The following FGD5 variants were observed in gnomAD, a reference collection of about 807,000 sequenced individuals.
The protein encoded by FGD5 is FYVE, RhoGEF and PH domain-containing protein 5.
FGD5 carries 28 observed loss-of-function variants against 133.4 expected under a neutral mutation model. The ratio of observed to expected loss-of-function variants is 0.21; its 90% confidence interval spans 0.16 to 0.29. The LOEUF (loss-of-function observed/expected upper bound fraction) is 0.29, where lower values mean the gene tolerates loss of function less well. Ranked by LOEUF, FGD5 falls within the 10% of genes least tolerant of loss-of-function variation. FGD5 has a pLI of 1.00. For synonymous variants in FGD5, 810 were observed against 776.5 expected (o/e 1.04, Z -0.72); for missense variants, 1,858 against 1,895.2 (o/e 0.98, Z 0.36).
At chr3:14,847,004 A>T (rs563874625) in intron 1 of FGD5, among the ~76,000 whole-genome samples, 5 of 152,158 alleles carry the variant, frequency 3.3e-5, no homozygotes, top group Non-Finnish European at 5.9e-5. Context: ...CTGTTTTGTG[A>T]TATGGGAATG....
At chr3:14,825,153 TAA>T (rs1227008146) in intron 1 of FGD5, among the ~76,000 whole-genome samples, 1 of 152,262 alleles carries the variant, frequency 6.6e-6, no homozygotes, top group Non-Finnish European at 1.5e-5. Flanking sequence ...TGGATGATTG[TAA>T]AGTTTCTTCT....
rs963103767 is a variant in FGD5 at position 14,922,619 on chromosome 3, C to G, written c.3807+71C>G. ...GGGGAAGGGCATGTCCCTGCCCAGC[C>G]GGGGGCTCAGGGATGTCCAGCAGCT... On this transcript the variant is annotated intron_variant, in intron 15 of 19. Coordinates refer to ENST00000285046, the MANE Select transcript of FGD5 (RefSeq NM_152536.4). This position sits in a 1 kb window ranked among gnomAD's most constrained non-coding sequence, Gnocchi z 4.1. 197 of 1,377,936 alleles carry G rather than the reference C, an allele frequency of 1.4e-4. No individual in the cohort carries two copies. The highest frequency in any genetic ancestry group is 9.9e-4 in the Middle Eastern group (4 of 4,036). The allele number at this position is 1,377,936 out of a possible 1,614,324, so 85.4% of individuals were successfully genotyped here.
chr3:14,820,869 C>T lies in FGD5; in HGVS notation c.1798C>T (p.His600Tyr), dbSNP rs144177006. The change falls in exon 1 of 20, where the codon CAC becomes TAC. Residue 600 changes from histidine (H) to tyrosine (Y), a missense_variant. Around this residue, in one of 3 missense-constraint regions of FGD5, gnomAD observed 1,824 missense variants for 1,848.9 expected, o/e 0.99. Coordinates refer to ENST00000285046, the MANE Select transcript of FGD5 (RefSeq NM_152536.4). ...GSSGSFSQRN[H>Y]LPSSGTSTPS... is the part of the protein sequence containing the mutation. Reference sequence around the variant, plus strand: ...CTCTGGGAGTTTCTCCCAGAGAAACCACCTTCCGTCCAGCGGCACCTCCAC... The same window carrying T: ...CTCTGGGAGTTTCTCCCAGAGAAACTACCTTCCGTCCAGCGGCACCTCCAC... 0.011 allele frequency: 17,604 copies of T among 1,613,606 alleles called. 156 individuals carry two copies. The highest frequency in any genetic ancestry group is 0.014 in the Admixed American group (824 of 60,002).
rs747671270 is a variant in FGD5 at position 14,926,134 on chromosome 3, G to A, written c.4133G>A (p.Arg1378Gln). The stretch of plus-strand genomic sequence containing the variant: ...CTCAGCCGGTGTAAGAGGGGCAAGC[G>A]GCACTGGAAGAAGCTCTGGTTTGTC... ...GYLSRCKRGK[R>Q]HWKKLWFVIK... The change falls in exon 18 of 20, where the codon CGG becomes CAG. Residue 1378 changes from arginine (R) to glutamine (Q), a missense_variant. Arg to Gln is a conservative substitution (Grantham distance 43). Coordinates refer to ENST00000285046, the MANE Select transcript of FGD5 (RefSeq NM_152536.4). 6 of 1,613,924 alleles carry A rather than the reference G, an allele frequency of 3.7e-6. No homozygotes were observed. Among genetic ancestry groups the A allele is most frequent in the Admixed American group, 1.7e-5 (1 of 60,026 alleles).
At chr3:14,831,854 A>G (rs2036715548) in intron 1 of FGD5, among the ~76,000 whole-genome samples, 1 of 152,226 alleles carries the variant, frequency 6.6e-6, no homozygotes, top group Non-Finnish European at 1.5e-5. Context: ...AAGACATGAC[A>G]ACAGGCTTAG....
At chr3:14,870,396 T>G (rs1193795945) in intron 2 of FGD5, among the ~76,000 whole-genome samples, 2 of 152,354 alleles carry the variant, frequency 1.3e-5, no homozygotes, top group African/African-American at 4.8e-5. Flanking sequence ...TCGCTGGTGC[T>G]GCACAACCCT....
chr3:14,859,447 A>C lies in FGD5; in HGVS notation c.2526-4681A>C, dbSNP rs369329717. Among the ~76,000 whole-genome samples the C allele has an allele frequency of 6.4e-4, 98 of 152,152 alleles. 2 individuals carry two copies. In the South Asian group the frequency reaches 0.02, roughly 30 times the overall value. The stretch of plus-strand genomic sequence containing the variant: ...ATGGCTTGCACCTGTAATCCCAGCT[A>C]CTCGGGAGGCGGAGGCTCAAGAATC... On this transcript the variant is annotated intron_variant, in intron 1 of 19. Coordinates refer to ENST00000285046, the MANE Select transcript of FGD5 (RefSeq NM_152536.4).
intron 1 of FGD5, among the ~76,000 whole-genome samples, chr3:14,823,325 C>G (rs1218881408): frequency 6.6e-6 from 1 of 152,152 alleles, no homozygotes; most frequent in Non-Finnish European, 1.5e-5. Flanking sequence ...ACAGGGAACC[C>G]GTCACTCCCA....
intron 1 of FGD5, among the ~76,000 whole-genome samples, chr3:14,844,576 A>G (rs2037008737): frequency 6.6e-6 from 1 of 151,940 alleles, no homozygotes; most frequent in Non-Finnish European, 1.5e-5. Context: ...GGACAGCCAG[A>G]CCAGACAGGC....
chr3:14,914,871 G>A (rs1359580774), intron 11 of FGD5, among the ~76,000 whole-genome samples: 2 of 152,242 alleles, frequency 1.3e-5, no homozygotes, highest in African/African-American at 2.4e-5. Context: ...TGAAGTCAGG[G>A]TTTTGGTCCA....
At chr3:14,915,782 C>T (rs568027065) in intron 11 of FGD5, among the ~76,000 whole-genome samples, 1 of 151,752 alleles carries the variant, frequency 6.6e-6, no homozygotes, top group African/African-American at 2.4e-5. Context: ...GGACAGGGCT[C>T]ACCCTGGTTC....
chr3:14,810,825 AC>A (rs1475942611), upstream of FGD5: 2 of 984,504 alleles, frequency 2.0e-6, no homozygotes, highest in African/African-American at 3.5e-5. Flanking sequence ...TGAAACGCCG[AC>A]GGCGGCCCGG....
chr3:14,907,744 G>T (rs375774081), intron 10 of FGD5, 33 bp downstream of exon 10: 2 of 1,606,510 alleles, frequency 1.2e-6, no homozygotes, highest in African/African-American at 2.7e-5. Flanking sequence ...GGGGCAGAGG[G>T]TGGCTGGGCG....
At chr3:14,818,835 TG>T, upstream of FGD5, 1 of 1,086,998 alleles carries the variant, frequency 9.2e-7, no homozygotes, top group Non-Finnish European at 1.2e-6. Flanking sequence ...GCACGGGAGG[TG>T]GGCTTCACAT....
chr3:14,902,122 A>C (rs543191118), intron 9 of FGD5, among the ~76,000 whole-genome samples: 12 of 152,012 alleles, frequency 7.9e-5, no homozygotes, highest in South Asian at 2.1e-4. Context: ...TCTCTATTAA[A>C]AATACAAAAC....
rs747147215 is a variant in FGD5, at chr3:14,932,611, G to A, written c.4232G>A (p.Gly1411Asp). 2 of 1,613,972 alleles carry A rather than the reference G, an allele frequency of 1.2e-6. No homozygotes were observed. The highest frequency in any genetic ancestry group is 1.7e-5 in the Admixed American group (1 of 60,020). ...GCCTTGGAGAGTATGCCTCTGCTAGGCTTCACCATTGCTCCAGAAAAGGAA... is the reference window on the plus strand; with the variant it reads ...GCCTTGGAGAGTATGCCTCTGCTAGACTTCACCATTGCTCCAGAAAAGGAA... Reference protein sequence around the residue: ...KVALESMPLLGFTIAPEKEEG... With the variant: ...KVALESMPLLDFTIAPEKEEG... Residue 1411 changes from glycine to aspartate, a missense_variant, in exon 19 of 20, where the codon GGC becomes GAC. Gly to Asp is a moderately conservative substitution (Grantham distance 94). Transcript: ENST00000285046.
intron 4 of FGD5, among the ~76,000 whole-genome samples, chr3:14,890,038 C>A (rs2037996792): frequency 6.6e-6 from 1 of 152,104 alleles, no homozygotes; most frequent in South Asian, 2.1e-4. Flanking sequence ...TACATTTCAG[C>A]CCTTCAAAGT....
intron 1 of FGD5, among the ~76,000 whole-genome samples, chr3:14,838,305 C>T (rs770191918): frequency 6.6e-6 from 1 of 152,146 alleles, no homozygotes; most frequent in Non-Finnish European, 1.5e-5. Context: ...TTCTAAGGAC[C>T]TGTGTGATTA....
rs2038228015 is a variant in FGD5, at chr3:14,901,003, G to C, written c.3206G>C (p.Gly1069Ala). 1 of 1,613,864 alleles carries C rather than the reference G, an allele frequency of 6.2e-7. No homozygotes were observed. Among genetic ancestry groups the C allele is most frequent in the Non-Finnish European group, 8.5e-7 (1 of 1,179,870 alleles). The part of the protein sequence containing the change: ...PDSAEYDNTQ[G>A]ALSLISKVTD... The stretch of plus-strand genomic sequence containing the variant: ...ACTCCTGCTCTGTGTCCCTCCCCAG[G>C]TGCACTGAGCCTCATCTCCAAAGTC... Residue 1069 changes from glycine to alanine, a missense_variant and splice_region_variant, in exon 9 of 20, where the codon GGT (glycine) becomes GCT (alanine). By Grantham distance (60) the Gly-to-Ala change is moderately conservative (BLOSUM62 0). Transcript: ENST00000285046.
Sources: allele counts gnomAD v4.1 joint callset (sites outside exome capture counted in the v4.1 genomes callset), GRCh38; gene constraint gnomAD v4.1.1; regional missense constraint gnomAD v4.1.1; non-coding constraint Gnocchi (gnomAD v3.1); transcripts MANE v1.5; gene names NCBI Gene and HGNC (gene_info 2026-07-23, HGNC 2026-07-21).